The following CRNKL1 variants were observed in gnomAD, a reference collection of about 807,000 sequenced individuals.
CRNKL1 encodes the protein crooked neck-like protein 1.
In CRNKL1, 35 loss-of-function variants were observed where a neutral mutation model predicts 103.7. The ratio of observed to expected loss-of-function variants is 0.34; its 90% CI spans 0.26 to 0.45. The LOEUF (loss-of-function observed/expected upper bound fraction) is 0.45, where lower values mean the gene tolerates loss of function less well. Among genes scored for constraint, CRNKL1 ranks in the 20% least tolerant of loss-of-function variants. CRNKL1 has a pLI of 1.00. For synonymous variants in CRNKL1, 267 were observed against 282.6 expected (o/e 0.94, Z 0.55); for missense variants, 645 against 836.0 (o/e 0.77, Z 2.82).
intron 10 of CRNKL1, 75 bp from the exon 11 acceptor site, chr20:20,039,923 G>A (rs1047341574): frequency 1.4e-6 from 2 of 1,467,806 alleles, no homozygotes; most frequent in East Asian, 2.3e-5. Context: ...CTGCCCTAGA[G>A]GCTGTTCTCT....
intron 7 of CRNKL1, among the ~76,000 whole-genome samples, chr20:20,042,845 T>G (rs547084198): frequency 4.6e-5 from 7 of 152,358 alleles, no homozygotes; most frequent in Non-Finnish European, 1.0e-4. Context: ...ATTATGTCTG[T>G]AACAACAGAA....
upstream of CRNKL1, among the ~76,000 whole-genome samples, chr20:20,054,396 G>GAT (rs34409266): frequency 0.15 from 21,555 of 140,174 alleles, 1,895 homozygotes; most frequent in African/African-American, 0.27. Context: ...ATGAGCTAGG[G>GAT]ATATATATAT....
At position 20,052,455 on chromosome 20, in the gene CRNKL1, G is replaced by A. The variant is rs2146511846; in HGVS notation, c.-113C>T. On this transcript the variant is annotated 5_prime_UTR_variant, in exon 1 of 14. Coordinates refer to ENST00000536226, the MANE Select transcript of CRNKL1 (RefSeq NM_001278628.2). ...AGAAAACAAACAGGATCTCGGAACC[G>A]GAAGCGGAACTTGCAGGACTGACCT... 1 of 1,614,246 alleles carries A rather than the reference G, an allele frequency of 6.2e-7. No individual in the cohort carries two copies. The highest frequency in any genetic ancestry group is 8.5e-7 in the Non-Finnish European group (1 of 1,180,052).
chr20:20,054,204 C>T (rs2044080410), upstream of CRNKL1, among the ~76,000 whole-genome samples: 1 of 151,678 alleles, frequency 6.6e-6, no homozygotes, highest in African/African-American at 2.4e-5. Flanking sequence ...TCTTTGAATT[C>T]TTTCAGTCTT....
intron 10 of CRNKL1, 76 bp from the exon 11 acceptor site, chr20:20,039,924 G>A: frequency 7.0e-7 from 1 of 1,427,232 alleles, no homozygotes; most frequent in Admixed American, 1.9e-5. Flanking sequence ...TGCCCTAGAG[G>A]CTGTTCTCTG....
At position 20,037,534 on chromosome 20, in the gene CRNKL1, C is replaced by T. The variant is rs1316975249; in HGVS notation, c.1685G>A (p.Gly562Glu). 2 of 1,613,910 alleles carry T rather than the reference C, an allele frequency of 1.2e-6. No homozygotes were observed. Among genetic ancestry groups the T allele is most frequent in the Non-Finnish European group, 1.7e-6 (2 of 1,180,006 alleles). The change falls in exon 13 of 14, where the codon GGA becomes GAA. Residue 562 changes from glycine to glutamate, a missense_variant. By Grantham distance (98) the Gly-to-Glu change is moderately conservative. This residue lies in a region of CRNKL1 where 582 missense variants were observed against 707.7 expected (regional missense o/e 0.82). Transcript: ENST00000536226. ...ISFAQFELSS[G>E]KEGSLTKCRQ... ...GCATTTAGTCAAACTTCCTTCTTTTCCTGAAGACAACTCAAACTGAGCAAA... is the reference window on the plus strand; with the variant it reads ...GCATTTAGTCAAACTTCCTTCTTTTTCTGAAGACAACTCAAACTGAGCAAA...
chr20:20,051,914 T>C (rs2043754003), intron 1 of CRNKL1, among the ~76,000 whole-genome samples: 1 of 152,160 alleles, frequency 6.6e-6, no homozygotes, highest in Non-Finnish European at 1.5e-5. Context: ...TTCACGCCCA[T>C]GGCATATTCT....
chr20:20,052,765 G>A (rs778047299), upstream of CRNKL1: 41 of 1,545,874 alleles, frequency 2.7e-5, no homozygotes, highest in Middle Eastern at 1.8e-4. Context: ...GATGCTCGAG[G>A]GCGGGGGAAG....
chr20:20,053,220 A>G (rs2043906906), upstream of CRNKL1, among the ~76,000 whole-genome samples: 1 of 151,700 alleles, frequency 6.6e-6, no homozygotes, highest in African/African-American at 2.4e-5. Flanking sequence ...ACTGAAAAGC[A>G]AAGGTTAAGA....
intron 7 of CRNKL1, among the ~76,000 whole-genome samples, chr20:20,042,732 C>T (rs899253556): frequency 1.3e-5 from 2 of 152,134 alleles, no homozygotes; most frequent in Admixed American, 1.3e-4. Context: ...GCCAGGTGTC[C>T]CACAGCAAGG....
intron 9 of CRNKL1, 131 bp from the exon 10 acceptor site, chr20:20,040,897 A>G: frequency 1.5e-6 from 1 of 648,944 alleles, no homozygotes; most frequent in Non-Finnish European, 2.6e-6. Flanking sequence ...AGAGGAATGT[A>G]CTCTGCTTAT....
chr20:20,044,708 C>T, intron 6 of CRNKL1, among the ~76,000 whole-genome samples: 1 of 152,154 alleles, frequency 6.6e-6, no homozygotes, highest in South Asian at 2.1e-4. Context: ...TAGTCTCAAA[C>T]TCCTAGGCTC....
chr20:20,052,984 G>A (rs2043879491), upstream of CRNKL1, among the ~76,000 whole-genome samples: 1 of 152,140 alleles, frequency 6.6e-6, no homozygotes, highest in Non-Finnish European at 1.5e-5. Context: ...AAGGTACTTT[G>A]AAGCCAGATA....
chr20:20,043,592 A>G lies in CRNKL1; in HGVS notation c.872T>C (p.Phe291Ser). ...RISKQDAQELFKNYTIFEKKF... is the reference protein window; with the variant it reads ...RISKQDAQELSKNYTIFEKKF... ...CTTCTCAAAGATGGTATAATTTTTA[A>G]AGAGTTCTTGGGCATCTTGTTTTGA... The change falls in exon 7 of 14, where the codon TTT (phenylalanine) becomes TCT (serine). Residue 291 changes from phenylalanine (F) to serine (S), a missense_variant. Phe to Ser is a radical substitution (Grantham distance 155). Coordinates refer to ENST00000536226, the MANE Select transcript of CRNKL1 (RefSeq NM_001278628.2). 6.2e-7 allele frequency: 1 copy of G among 1,614,052 alleles called. No individual in the cohort carries two copies. Among genetic ancestry groups the G allele is most frequent in the Non-Finnish European group, 8.5e-7 (1 of 1,179,978 alleles).
In CRNKL1 at chr20:20,039,761, G is replaced by C. The variant is rs757086001; in HGVS notation, c.1393C>G (p.Arg465Gly). The change falls in exon 11 of 14, where the codon CGG (arginine) becomes GGG (glycine). Residue 465 changes from arginine (R) to glycine (G), a missense_variant. This residue lies in a region of CRNKL1 where 582 missense variants were observed against 707.7 expected (regional missense o/e 0.82). Transcript: ENST00000536226. ...TCCAGGAACTTTTCATAAAGCTTCC[G>C]GCATCTGTCAAATTCTCGAAGCTGT... ...ELQLREFDRC[R>G]KLYEKFLEFG... The C allele has an allele frequency of 1.9e-6, 3 of 1,614,070 alleles. No individual in the cohort carries two copies. The highest frequency in any genetic ancestry group is 3.3e-5 in the Admixed American group (2 of 60,010).
At chr20:20,038,721 T>C (rs2043463109) in intron 11 of CRNKL1, 2 of 296,564 alleles carry the variant, frequency 6.7e-6, no homozygotes, top group African/African-American at 4.4e-5. Flanking sequence ...TATCAAGAGC[T>C]GAGAAACTTG....
In CRNKL1 at chr20:20,035,444, C is replaced by T. The variant is rs867360055; in HGVS notation, c.*751G>A. 2 of 152,200 alleles carry T rather than the reference C, an allele frequency of 1.3e-5. No homozygotes were observed. Among genetic ancestry groups the T allele is most frequent in the Admixed American group, 6.5e-5 (1 of 15,276 alleles). The allele number at this position is 152,200 out of a possible 1,614,324, so 9.4% of individuals were successfully genotyped here. ...TTAAACAAGGTATTACAAACTCAAC[C>T]ACTCTGGAGAACTGATGAGCGCCTA... On this transcript the variant is annotated 3_prime_UTR_variant, in exon 14 of 14. Coordinates refer to ENST00000536226, the MANE Select transcript of CRNKL1 (RefSeq NM_001278628.2).
chr20:20,037,240 C>G (rs564653184), intron 13 of CRNKL1, 83 bp downstream of exon 13: 2 of 1,489,202 alleles, frequency 1.3e-6, no homozygotes, highest in African/African-American at 1.4e-5. Context: ...TGTACATATG[C>G]CACTTAAAAG....
Position 20,050,608 on chromosome 20 carries a change from G to T in CRNKL1, c.66C>A (p.Ala22=). 1 of 1,599,282 alleles carries T rather than the reference G, an allele frequency of 6.3e-7. No individual in the cohort carries two copies. Among genetic ancestry groups the T allele is most frequent in the Non-Finnish European group, 8.5e-7 (1 of 1,174,694 alleles). Reference sequence around the variant, plus strand: ...CAGCAGTTATCTGTACCTCAGCCGGGGCTTTGTTTTTCACCTTTTAAGAAA... The same window carrying T: ...CAGCAGTTATCTGTACCTCAGCCGGTGCTTTGTTTTTCACCTTTTAAGAAA... ...IPKVAKVKNK[A]PAEVQITAEQ... is the part of the protein sequence containing the mutation. Residue 22 remains alanine (A), a synonymous_variant, in exon 2 of 14, where the codon GCC becomes GCA. Coordinates refer to ENST00000536226, the MANE Select transcript of CRNKL1 (RefSeq NM_001278628.2).
Sources: gnomAD v4.1 joint callset for allele counts (sites outside exome capture counted in the v4.1 genomes callset) on GRCh38, gnomAD v4.1.1 for gene constraint, gnomAD v4.1.1 regional missense constraint, MANE v1.5 for transcripts, NCBI Gene and HGNC (gene_info 2026-07-23, HGNC 2026-07-21) for gene names.